PTPRM: variants seen among roughly 807,000 people sequenced by gnomAD.
PTPRM encodes the protein receptor-type tyrosine-protein phosphatase mu.
In PTPRM, 47 loss-of-function variants were observed where a neutral mutation model predicts 186.7. The ratio of observed to expected loss-of-function variants is 0.25; its 90% CI spans 0.20 to 0.32. PTPRM has a LOEUF of 0.32. PTPRM is among the 10% of genes least tolerant of loss of function. The pLI is 1.00. For synonymous variants in PTPRM, 668 were observed against 674.9 expected (o/e 0.99, Z 0.16); for missense variants, 1,494 against 1,865.0 (o/e 0.80, Z 3.66).
At chr18:8,313,472 G>T (rs1382932308) in intron 20 of PTPRM, among the ~76,000 whole-genome samples, 1 of 151,992 alleles carries the variant, frequency 6.6e-6, no homozygotes, top group African/African-American at 2.4e-5. Context: ...TATTTTGGGG[G>T]TAAATCTGCT....
chr18:7,769,647 TTAAC>T (rs2042181387), intron 1 of PTPRM, among the ~76,000 whole-genome samples: 1 of 152,194 alleles, frequency 6.6e-6, no homozygotes, highest in Non-Finnish European at 1.5e-5. Context: ...TCCTTGCCTT[TTAAC>T]TTATACTTTT....
chr18:7,741,941 C>G (rs570772294), intron 1 of PTPRM: 1 of 152,246 alleles, frequency 6.6e-6, no homozygotes, highest in African/African-American at 2.4e-5. Flanking sequence ...TTGTCAAGAG[C>G]TATTGTTATT....
At chr18:7,607,269 T>C (rs2037554778) in intron 1 of PTPRM, among the ~76,000 whole-genome samples, 1 of 152,184 alleles carries the variant, frequency 6.6e-6, no homozygotes, top group Admixed American at 6.5e-5. Flanking sequence ...AGCTTAAGCA[T>C]GTTTATTACA....
At position 8,101,151 on chromosome 18, in the gene PTPRM, TA is replaced by T. The variant is rs1209961687; in HGVS notation, c.1856+12302del. ...CCAGGGAGTAAAAGTGCAATGTTGT[TA>T]AGAAGCATAAAGAATGCAACCATAG... On this transcript the variant is annotated intron_variant, in intron 11 of 32. Transcript: ENST00000580170. Among the ~76,000 whole-genome samples, 3 of 152,206 alleles carry T rather than the reference TA, an allele frequency of 2.0e-5. 1 individual carries two copies. Among genetic ancestry groups the T allele is most frequent in the Non-Finnish European group, 2.9e-5 (2 of 68,038 alleles).
chr18:8,166,039 G>A (rs2093318864), intron 14 of PTPRM, among the ~76,000 whole-genome samples: 1 of 152,184 alleles, frequency 6.6e-6, no homozygotes, highest in African/African-American at 2.4e-5. Flanking sequence ...GAAACTCACA[G>A]AGGGCAGGAG....
intron 13 of PTPRM, among the ~76,000 whole-genome samples, chr18:8,141,624 C>G (rs2092769080): frequency 3.9e-5 from 6 of 152,130 alleles, no homozygotes; most frequent in Admixed American, 3.3e-4. Context: ...ATTAAAATGT[C>G]TTAAGGTAAA....
At chr18:7,755,913 G>T (rs889304456) in intron 1 of PTPRM, among the ~76,000 whole-genome samples, 1 of 152,152 alleles carries the variant, frequency 6.6e-6, no homozygotes, top group Non-Finnish European at 1.5e-5. Context: ...TGTTCCACTT[G>T]CACAGGGGTA....
intron 11 of PTPRM, among the ~76,000 whole-genome samples, chr18:8,096,001 C>T (rs2090998912): frequency 6.6e-6 from 1 of 152,156 alleles, no homozygotes; most frequent in African/African-American, 2.4e-5. Context: ...CTGGATCTTT[C>T]TTTTGTTGCT....
intron 8 of PTPRM, among the ~76,000 whole-genome samples, chr18:8,070,661 C>T (rs1420101150): frequency 5.9e-5 from 9 of 152,132 alleles, no homozygotes; most frequent in African/African-American, 1.7e-4. Context: ...AATCTCAATG[C>T]GTGGATATAA....
At chr18:7,635,817 G>A (rs891502164) in intron 1 of PTPRM, among the ~76,000 whole-genome samples, 3 of 152,206 alleles carry the variant, frequency 2.0e-5, no homozygotes, top group African/African-American at 7.2e-5. Context: ...CATTTTCCTT[G>A]CGGAGGCAGT....
intron 5 of PTPRM, among the ~76,000 whole-genome samples, chr18:7,944,476 C>T (rs1308153085): frequency 6.6e-6 from 1 of 152,158 alleles, no homozygotes; most frequent in Admixed American, 6.5e-5. Context: ...ACCTCTTTGC[C>T]TAAGGTCCTT....
At chr18:8,381,974 C>G (rs968298427) in intron 29 of PTPRM, among the ~76,000 whole-genome samples, 6 of 152,134 alleles carry the variant, frequency 3.9e-5, no homozygotes, top group Non-Finnish European at 8.8e-5. Flanking sequence ...GCATTCTAAA[C>G]CCGAACTATC....
chr18:7,632,442 T>C (rs1373853697), intron 1 of PTPRM, among the ~76,000 whole-genome samples: 1 of 152,236 alleles, frequency 6.6e-6, no homozygotes, highest in Non-Finnish European at 1.5e-5. Context: ...CTACTCTTTT[T>C]GCTTCATTGC....
At chr18:8,259,327 G>GT (rs1017113861) in intron 19 of PTPRM, among the ~76,000 whole-genome samples, 1 of 152,132 alleles carries the variant, frequency 6.6e-6, no homozygotes, top group Non-Finnish European at 1.5e-5. Flanking sequence ...TGTGAAGATT[G>GT]TTTTTTAGCT....
chr18:8,390,822 G>A (rs564020720), intron 31 of PTPRM, among the ~76,000 whole-genome samples: 1 of 152,044 alleles, frequency 6.6e-6, no homozygotes, highest in Non-Finnish European at 1.5e-5. Context: ...CAGCTACTTG[G>A]GAGGCTGAGG....
At chr18:7,897,202 A>G (rs908367853) in intron 3 of PTPRM, among the ~76,000 whole-genome samples, 4 of 152,178 alleles carry the variant, frequency 2.6e-5, no homozygotes, top group African/African-American at 9.6e-5. Flanking sequence ...TCCGGGAAGG[A>G]CACATGGTGA....
chr18:8,330,982 C>T (rs1317655272), intron 22 of PTPRM, among the ~76,000 whole-genome samples: 1 of 152,126 alleles, frequency 6.6e-6, no homozygotes, highest in Non-Finnish European at 1.5e-5. Flanking sequence ...CACTACCTAC[C>T]CCCATTTTAT....
At chr18:7,926,531 C>T (rs1032952633) in intron 4 of PTPRM, 37 bp from the exon 5 acceptor site, 1 of 1,509,910 alleles carries the variant, frequency 6.6e-7, no homozygotes. Flanking sequence ...TTACAAATCT[C>T]CACTTTTAAT....
intron 22 of PTPRM, among the ~76,000 whole-genome samples, chr18:8,331,756 A>G (rs1277833894): frequency 1.3e-5 from 2 of 152,256 alleles, no homozygotes; most frequent in East Asian, 3.8e-4. Context: ...TACTCCCTCC[A>G]GAGTACAAAG....
Sources: allele counts gnomAD v4.1 joint callset (sites outside exome capture counted in the v4.1 genomes callset), GRCh38; gene constraint gnomAD v4.1.1; transcripts MANE v1.5; gene names NCBI Gene and HGNC (gene_info 2026-07-23, HGNC 2026-07-21).